CDH15: variants seen among roughly 807,000 people sequenced by gnomAD.
The protein encoded by CDH15 is cadherin 15, also known as cadherin-15.
Under a neutral mutation model 69.4 loss-of-function variants are expected in CDH15, and 73 were observed. The observed-to-expected ratio is 1.05, with a 90% CI of 0.87 to 1.28. The LOEUF (loss-of-function observed/expected upper bound fraction) is 1.28. CDH15 is among the 50% of genes most tolerant of loss of function. The pLI is 0.00. For missense variants in CDH15, 1,343 were observed against 1,133.6 expected (o/e 1.18, Z -2.65); for synonymous variants, 624 against 507.7 (o/e 1.23, Z -3.08).
intron 7 of CDH15, among the ~76,000 whole-genome samples, chr16:89,189,209 G>T (rs1915579530): frequency 7.8e-6 from 1 of 128,346 alleles, no homozygotes; most frequent in Non-Finnish European, 1.6e-5. Context: ...ATACACAGAT[G>T]CCCACGCACA....
chr16:89,183,694 T>G lies in CDH15; in HGVS notation c.502+2T>G, dbSNP rs1449925067. On this transcript the variant is annotated splice_donor_variant, in intron 4 of 13. Coordinates refer to ENST00000289746, the MANE Select transcript of CDH15 (RefSeq NM_004933.3). LOFTEE classifies it high-confidence loss of function. ...GCGTGCTGGAGGGTGCAGTCCCAGGTGAGACAGGACCACAGCCCCGGGCCG... is the reference window on the plus strand; with the variant it reads ...GCGTGCTGGAGGGTGCAGTCCCAGGGGAGACAGGACCACAGCCCCGGGCCG... 6.3e-7 allele frequency: 1 copy of G among 1,597,894 alleles called. No individual in the cohort carries two copies. The highest frequency in any genetic ancestry group is 8.5e-7 in the Non-Finnish European group (1 of 1,172,252).
Position 89,172,015 on chromosome 16 carries a change from T to A in CDH15, c.42+142T>A. On this transcript the variant is annotated intron_variant, in intron 1 of 13. Transcript: ENST00000289746. ...GGCCTGTGAGCGGAGTGGCTCCGGG[T>A]GGGTCCCTGGGCTGGGGGCAGCACC... is the stretch of plus-strand genomic sequence containing the variant. 6 of 811,486 alleles carry A rather than the reference T, an allele frequency of 7.4e-6. 1 individual carries two copies. The South Asian group carries it at 9.6e-5, about 13-fold the overall frequency. 50.3% of individuals were successfully genotyped at this position (811,486 alleles called of 1,614,324 possible). A position where few individuals can be genotyped will look rare whatever the true frequency, so the allele number is the denominator to read the frequency against.
At chr16:89,188,470 C>T (rs1307540990) in intron 7 of CDH15, among the ~76,000 whole-genome samples, 185 bp downstream of exon 7, 1 of 132,832 alleles carries the variant, frequency 7.5e-6, no homozygotes, top group African/African-American at 2.9e-5. Flanking sequence ...ACACAGATGC[C>T]CACACACAGA....
chr16:89,194,242 C>T lies in CDH15; in HGVS notation c.2151+329C>T, dbSNP rs1041291941. On this transcript the variant is annotated intron_variant, in intron 13 of 13. Coordinates refer to ENST00000289746, the MANE Select transcript of CDH15 (RefSeq NM_004933.3). ...TCCCCTGGGCTTCGGTGGCTGTCAG[C>T]GGAATCAGGGCCTCCATAGAAGACC... 8.5e-5 allele frequency among the ~76,000 whole-genome samples: 13 copies of T among 152,202 alleles called. No individual in the cohort carries two copies. In the East Asian group the frequency reaches 1.9e-3, roughly 23 times the overall value.
At chr16:89,186,508 T>C (rs1157687405) in intron 5 of CDH15, among the ~76,000 whole-genome samples, 222 of 106,210 alleles carry the variant, frequency 2.1e-3, no homozygotes, top group South Asian at 2.9e-3. Flanking sequence ...CTGTAAACGC[T>C]TACCCAGCGC....
chr16:89,176,748 C>T (rs890099422), intron 1 of CDH15, among the ~76,000 whole-genome samples: 60 of 151,556 alleles, frequency 4.0e-4, no homozygotes, highest in African/African-American at 1.4e-3. Context: ...GAGCAGGCCG[C>T]GAAGATGGTG....
At chr16:89,194,035 C>T in intron 13 of CDH15, 122 bp downstream of exon 13, 1 of 1,087,750 alleles carries the variant, frequency 9.2e-7, no homozygotes, top group Non-Finnish European at 1.3e-6. Context: ...TGGGCCGTCC[C>T]AGAGCACCGC....
At chr16:89,185,718 C>T (rs1915469015) in intron 5 of CDH15, 1 of 340,590 alleles carries the variant, frequency 2.9e-6, no homozygotes, top group South Asian at 2.6e-5. Flanking sequence ...CTTGAGTCAG[C>T]TCCTCTAGGA....
At chr16:89,172,429 C>A (rs933041990) in intron 1 of CDH15, among the ~76,000 whole-genome samples, 3 of 152,138 alleles carry the variant, frequency 2.0e-5, no homozygotes, top group African/African-American at 7.2e-5. Context: ...CCAGCCCGAG[C>A]CAGGTCGCAA....
chr16:89,189,301 A>G (rs1396361493), intron 7 of CDH15, among the ~76,000 whole-genome samples: 3 of 144,880 alleles, frequency 2.1e-5, no homozygotes, highest in African/African-American at 2.6e-5. Context: ...AGATGCCCAC[A>G]CACAGATGCC....
At chr16:89,189,322 C>CCCACACACAG (rs1915585146) in intron 7 of CDH15, among the ~76,000 whole-genome samples, 2 of 69,814 alleles carry the variant, frequency 2.9e-5, no homozygotes, top group Admixed American at 1.4e-4. Flanking sequence ...GGCACACACA[C>CCCACACACAG]ATGCCGGCAC....
Position 89,179,527 on chromosome 16 carries a change from A to G in CDH15, c.154A>G (p.Ile52Val). Reference sequence around the variant, plus strand: ...GCGGAGGGCCTGGGTCATCCCCCCGATCAGCGTATCCGAGAACCACAAGCG... The same window carrying G: ...GCGGAGGGCCTGGGTCATCCCCCCGGTCAGCGTATCCGAGAACCACAAGCG... Reference protein sequence around the residue: ...RVRRAWVIPPISVSENHKRLP... With the variant: ...RVRRAWVIPPVSVSENHKRLP... Residue 52 changes from isoleucine (I) to valine (V), a missense_variant, in exon 2 of 14, where the codon ATC becomes GTC. Coordinates refer to ENST00000289746, the MANE Select transcript of CDH15 (RefSeq NM_004933.3). The G allele has an allele frequency of 6.2e-7, 1 of 1,612,164 alleles. No individual in the cohort carries two copies. The highest frequency in any genetic ancestry group is 8.5e-7 in the Non-Finnish European group (1 of 1,179,186).
intron 5 of CDH15, chr16:89,185,688 G>C (rs1478062371): frequency 1.4e-5 from 5 of 363,546 alleles, no homozygotes; most frequent in Non-Finnish European, 2.6e-5. Context: ...GTCGGACTTC[G>C]GTGCTCCCGG....
Position 89,194,951 on chromosome 16 carries a change from G to C in CDH15, c.2241G>C (p.Gly747=), listed in dbSNP as rs555983411. Residue 747 remains glycine, a synonymous_variant, in exon 14 of 14, where the codon GGG becomes GGC. Transcript: ENST00000289746. ...ACGAGGGTGACGGCTCGGTGGCGGGGACGCTGAGCTCCATCCTGTCCAGCC... is the reference window on the plus strand; with the variant it reads ...ACGAGGGTGACGGCTCGGTGGCGGGCACGCTGAGCTCCATCCTGTCCAGCC... ...YDYEGDGSVA[G]TLSSILSSQG... is the part of the protein sequence containing the mutation. The C allele has an allele frequency of 1.9e-6, 3 of 1,609,188 alleles. 1 individual carries two copies. In the South Asian group the frequency reaches 3.3e-5, roughly 18 times the overall value.
At chr16:89,172,319 T>G (rs1109821) in intron 1 of CDH15, among the ~76,000 whole-genome samples, 36,588 of 151,806 alleles carry the variant, frequency 0.24, 6,337 homozygotes, top group East Asian at 0.74. Context: ...AGTCTTGGGT[T>G]TTGTCCAAAC....
rs772173897 is a variant in CDH15 at position 89,194,964 on chromosome 16, ATCCTG to A, written c.2258_2262del (p.Leu753GlnfsTer5). 1 of 1,610,684 alleles carries A rather than the reference ATCCTG, an allele frequency of 6.2e-7. No individual in the cohort carries two copies. The highest frequency in any genetic ancestry group is 8.5e-7 in the Non-Finnish European group (1 of 1,179,150). On this transcript the variant is annotated frameshift_variant, in exon 14 of 14. Coordinates refer to ENST00000289746, the MANE Select transcript of CDH15 (RefSeq NM_004933.3). LOFTEE classifies it low-confidence loss of function (END_TRUNC). ...CTCGGTGGCGGGGACGCTGAGCTCC[ATCCTG>A]TCCAGCCAGGGCGATGAGGACCAGG...
At position 89,195,413 on chromosome 16, in the gene CDH15, C is replaced by T; in HGVS notation, c.*258C>T. On this transcript the variant is annotated 3_prime_UTR_variant, in exon 14 of 14. Transcript: ENST00000289746. ...CCCTAGTCCCACCTTTGCCTCCTAC[C>T]AGTGAACCTCATCTTTGTATGAAAG... The T allele has an allele frequency of 1.9e-6, 1 of 528,216 alleles. No homozygotes were observed. The highest frequency in any genetic ancestry group is 3.4e-6 in the Non-Finnish European group (1 of 297,408). 32.7% of individuals were successfully genotyped at this position (528,216 alleles called of 1,614,324 possible).
At chr16:89,183,742 C>T in intron 4 of CDH15, 50 bp downstream of exon 4, 1 of 1,541,150 alleles carries the variant, frequency 6.5e-7, no homozygotes, top group Non-Finnish European at 8.8e-7. Flanking sequence ...AGGAAGGGCT[C>T]TGTGAAGTCC....
chr16:89,195,227 G>A lies in CDH15; in HGVS notation c.*72G>A. 1 of 1,446,304 alleles carries A rather than the reference G, an allele frequency of 6.9e-7. No individual in the cohort carries two copies. Among genetic ancestry groups the A allele is most frequent in the South Asian group, 1.4e-5 (1 of 71,578 alleles). The allele number at this position is 1,446,304 out of a possible 1,614,324, so 89.6% of individuals were successfully genotyped here. On this transcript the variant is annotated 3_prime_UTR_variant, in exon 14 of 14. Transcript: ENST00000289746. Reference sequence around the variant, plus strand: ...ATGGCCCCTGCAGAGGCAGCCTGAGGTCACCGGGCCCGACCCCCCTGGGCC... The same window carrying A: ...ATGGCCCCTGCAGAGGCAGCCTGAGATCACCGGGCCCGACCCCCCTGGGCC...
Sources: gnomAD v4.1 joint callset for allele counts (sites outside exome capture counted in the v4.1 genomes callset) on GRCh38, gnomAD v4.1.1 for gene constraint, MANE v1.5 for transcripts, NCBI Gene and HGNC (gene_info 2026-07-23, HGNC 2026-07-21) for gene names.